Variants in GABRB2 observed in about 807,000 individuals in gnomAD.
GABRB2 encodes gamma-aminobutyric acid type A receptor subunit beta2, also known as gamma-aminobutyric acid receptor subunit beta-2.
Under a neutral mutation model 54.7 loss-of-function variants are expected in GABRB2, and 16 were observed. The observed-to-expected ratio is 0.29, with a 90% CI of 0.20 to 0.44. GABRB2 has a LOEUF of 0.44. GABRB2 is among the 20% of genes least tolerant of loss of function. GABRB2 has a pLI of 1.00. For missense variants in GABRB2, 355 were observed against 644.0 expected (o/e 0.55, Z 4.86); for synonymous variants, 244 against 233.8 (o/e 1.04, Z -0.40).
chr5:161,538,895 T>C, intron 3 of GABRB2, among the ~76,000 whole-genome samples: 1 of 152,194 alleles, frequency 6.6e-6, no homozygotes, highest in Admixed American at 6.5e-5. Context: ...TCTCATTCAC[T>C]ACTCTGTCCA....
intron 3 of GABRB2, among the ~76,000 whole-genome samples, chr5:161,485,699 T>C (rs1758900983): frequency 6.6e-6 from 1 of 151,984 alleles, no homozygotes; most frequent in South Asian, 2.1e-4. Flanking sequence ...TCATGAGAGA[T>C]AACAACTGCT....
At chr5:161,456,296 G>A (rs1757954186) in intron 4 of GABRB2, among the ~76,000 whole-genome samples, 1 of 152,118 alleles carries the variant, frequency 6.6e-6, no homozygotes, top group Non-Finnish European at 1.5e-5. Context: ...AATCCACACA[G>A]CAAAATTCCC....
intron 3 of GABRB2, among the ~76,000 whole-genome samples, chr5:161,525,769 C>T (rs1191795671): frequency 6.6e-6 from 1 of 151,210 alleles, no homozygotes; most frequent in Non-Finnish European, 1.5e-5. Flanking sequence ...ATTTATTTTA[C>T]CTTATATCCC....
At chr5:161,449,715 T>C (rs1757736653) in intron 4 of GABRB2, among the ~76,000 whole-genome samples, 1 of 151,982 alleles carries the variant, frequency 6.6e-6, no homozygotes, top group Non-Finnish European at 1.5e-5. Context: ...CATATACAAA[T>C]ATATACAAAC....
intron 3 of GABRB2, 64 bp downstream of exon 3, chr5:161,545,163 C>T: frequency 7.6e-7 from 1 of 1,323,792 alleles, no homozygotes; most frequent in Admixed American, 2.0e-5. Flanking sequence ...ATAGCTGGCT[C>T]ATTTCTCCTT....
At chr5:161,533,030 G>C (rs1760512871) in intron 3 of GABRB2, among the ~76,000 whole-genome samples, 1 of 152,124 alleles carries the variant, frequency 6.6e-6, no homozygotes, top group Non-Finnish European at 1.5e-5. Flanking sequence ...GGTTGCCTTT[G>C]TGTTAGGAGA....
chr5:161,527,634 T>A (rs193002465), intron 3 of GABRB2, among the ~76,000 whole-genome samples: 1 of 151,164 alleles, frequency 6.6e-6, no homozygotes, highest in Non-Finnish European at 1.5e-5. Context: ...AAGAAAAAAA[T>A]GAATTGTCCA....
In GABRB2 at chr5:161,330,864, G is replaced by A; in HGVS notation, c.1077+19C>T. ...TCCATGAGTTTAAGAAGCAAGGAGG[G>A]CTTGCCCTCTGAATTTACCTTGTTG... On this transcript the variant is annotated intron_variant, in intron 8 of 9. Coordinates refer to ENST00000393959, the MANE Select transcript of GABRB2 (RefSeq NM_001371727.1). 6.2e-7 allele frequency: 1 copy of A among 1,614,104 alleles called. No individual in the cohort carries two copies. Among genetic ancestry groups the A allele is most frequent in the Non-Finnish European group, 8.5e-7 (1 of 1,179,998 alleles).
In GABRB2 at chr5:161,330,943, C is replaced by T. The variant is rs1289875232; in HGVS notation, c.1017G>A (p.Lys339=). The change falls in exon 8 of 10, where the codon AAG becomes AAA. Residue 339 remains lysine, a synonymous_variant. Transcript: ENST00000393959. ...IFFGRGPQRQ[K]KAAEKAASAN... is the part of the protein sequence containing the mutation. ...CACTGGCAGCCTTCTCAGCTGCTTTCTTTTGGCGTTGGGGCCCCCTCCCAA... is the reference window on the plus strand; with the variant it reads ...CACTGGCAGCCTTCTCAGCTGCTTTTTTTTGGCGTTGGGGCCCCCTCCCAA... 1 of 1,614,070 alleles carries T rather than the reference C, an allele frequency of 6.2e-7. No homozygotes were observed. Among genetic ancestry groups the T allele is most frequent in the African/African-American group, 1.3e-5 (1 of 74,916 alleles).
intron 4 of GABRB2, among the ~76,000 whole-genome samples, chr5:161,431,422 G>A (rs1757167377): frequency 6.6e-6 from 1 of 152,084 alleles, no homozygotes; most frequent in South Asian, 2.1e-4. Context: ...AGCAATTAAT[G>A]CTTTAAAGAC....
At chr5:161,424,957 G>A (rs1301310855) in intron 4 of GABRB2, among the ~76,000 whole-genome samples, 2 of 152,114 alleles carry the variant, frequency 1.3e-5, no homozygotes, top group Non-Finnish European at 2.9e-5. Context: ...AGGAGTTTAT[G>A]ACTACAGTTG....
At chr5:161,376,968 A>T (rs1199335710) in intron 5 of GABRB2, among the ~76,000 whole-genome samples, 1 of 152,042 alleles carries the variant, frequency 6.6e-6, no homozygotes, top group Non-Finnish European at 1.5e-5. Context: ...AACAAAGAAG[A>T]AGGAATAAAA....
intron 3 of GABRB2, among the ~76,000 whole-genome samples, chr5:161,479,548 C>T (rs1296046470): frequency 2.0e-5 from 3 of 151,168 alleles, no homozygotes; most frequent in Non-Finnish European, 2.9e-5. Flanking sequence ...ATTTAAGTTG[C>T]TCAAAATAGC....
At chr5:161,507,736 T>C (rs575881506) in intron 3 of GABRB2, among the ~76,000 whole-genome samples, 4 of 152,100 alleles carry the variant, frequency 2.6e-5, no homozygotes, top group South Asian at 2.1e-4. Context: ...AAGTGGCCAA[T>C]AGGCATATGA....
intron 5 of GABRB2, among the ~76,000 whole-genome samples, chr5:161,337,035 C>G (rs1378189082): frequency 6.6e-6 from 1 of 152,054 alleles, no homozygotes. Flanking sequence ...CATAGATTCT[C>G]TTGCAACTAG....
intron 5 of GABRB2, among the ~76,000 whole-genome samples, chr5:161,367,712 A>G (rs898758744): frequency 1.3e-5 from 2 of 152,158 alleles, no homozygotes; most frequent in Non-Finnish European, 2.9e-5. Context: ...CCTCTAAAAC[A>G]CGGCAAAAAA....
intron 9 of GABRB2, among the ~76,000 whole-genome samples, chr5:161,305,263 A>G (rs153299): frequency 0.11 from 16,229 of 150,200 alleles, 1,001 homozygotes; most frequent in Non-Finnish European, 0.14. Context: ...TGATCCACCC[A>G]CCTCGGCCTC....
In GABRB2 at chr5:161,310,673, G is replaced by A. The variant is rs575386236; in HGVS notation, c.1191+15695C>T. Among the ~76,000 whole-genome samples the A allele has an allele frequency of 5.9e-4, 71 of 120,178 alleles. 1 individual carries two copies. Among genetic ancestry groups the A allele is most frequent in the African/African-American group, 2.7e-3 (60 of 22,232 alleles). The allele number at this position is 120,178 out of a possible 152,430, so 78.8% of individuals were successfully genotyped here. A position where few individuals can be genotyped will look rare whatever the true frequency, so the allele number is the denominator to read the frequency against. On this transcript the variant is annotated intron_variant, in intron 9 of 9. Transcript: ENST00000393959. ...CACACACATGCACACGCACGCGCAC[G>A]CGCGCACACACACACACACACACAC...
intron 5 of GABRB2, among the ~76,000 whole-genome samples, chr5:161,339,531 C>T (rs1410552297): frequency 6.6e-6 from 1 of 151,870 alleles, no homozygotes; most frequent in African/African-American, 2.4e-5. Flanking sequence ...GTAGGTGACA[C>T]ATAAAAACAC....
Sources: allele counts gnomAD v4.1 joint callset (sites outside exome capture counted in the v4.1 genomes callset), GRCh38; gene constraint gnomAD v4.1.1; transcripts MANE v1.5; gene names NCBI Gene and HGNC (gene_info 2026-07-23, HGNC 2026-07-21).